DTD1: variants seen among roughly 807,000 people sequenced by gnomAD.
DTD1 encodes D-tyrosyl-tRNA deacylase 1 homolog.
A neutral mutation model predicts 25.6 loss-of-function variants in DTD1; 13 were observed. The observed-to-expected ratio is 0.51, with a 90% CI of 0.33 to 0.81. The LOEUF is 0.81. DTD1 is among the 30% of genes least tolerant of loss of function. The pLI, the probability that DTD1 is intolerant of heterozygous loss-of-function variation, is 0.02. For missense variants in DTD1, 193 were observed against 266.4 expected, an observed-to-expected ratio of 0.72 and a Z score of 1.92; for synonymous variants, 110 against 103.6, an observed-to-expected ratio of 1.06 and a Z score of -0.37.
intron 4 of DTD1, among the ~76,000 whole-genome samples, chr20:18,661,472 T>C (rs772278697): frequency 4.9e-4 from 74 of 150,638 alleles, no homozygotes; most frequent in Middle Eastern, 3.4e-3. Flanking sequence ...CCCAGGTTCA[T>C]GCCATTCTCC....
intron 4 of DTD1, among the ~76,000 whole-genome samples, chr20:18,633,283 G>A (rs558579452): frequency 2.0e-4 from 31 of 152,140 alleles, no homozygotes; most frequent in Admixed American, 2.0e-3. Flanking sequence ...CCTCTCCCTT[G>A]CTGAGAAGAG....
At chr20:18,628,970 C>A (rs2060770981) in intron 4 of DTD1, among the ~76,000 whole-genome samples, 1 of 146,542 alleles carries the variant, frequency 6.8e-6, no homozygotes. Flanking sequence ...TGAAGCTGGG[C>A]AACCTGTTCA....
intron 4 of DTD1, among the ~76,000 whole-genome samples, chr20:18,705,018 T>C (rs6136478): frequency 0.14 from 21,940 of 152,186 alleles, 1,697 homozygotes; most frequent in Admixed American, 0.2. Flanking sequence ...AGTGCTAAAC[T>C]GAAATAAAAT....
chr20:18,759,699 G>T (rs995586054), intron 5 of DTD1, among the ~76,000 whole-genome samples: 13 of 152,130 alleles, frequency 8.5e-5, no homozygotes, highest in Non-Finnish European at 1.9e-4. Flanking sequence ...TGGTGAATCT[G>T]ACAATTATGC....
At chr20:18,734,088 G>GT (rs569064780) in intron 4 of DTD1, among the ~76,000 whole-genome samples, 1 of 152,310 alleles carries the variant, frequency 6.6e-6, no homozygotes, top group African/African-American at 2.4e-5. Context: ...TTTTAAACAT[G>GT]TTTTTATCAG....
chr20:18,637,990 A>G (rs2060813775), intron 4 of DTD1, among the ~76,000 whole-genome samples: 1 of 152,186 alleles, frequency 6.6e-6, no homozygotes, highest in South Asian at 2.1e-4. Flanking sequence ...TTCACACATG[A>G]TGCTTACCTC....
rs145232868 is a variant in DTD1 at position 18,759,041 on chromosome 20, G to C, written c.*20-4319G>C. Among the ~76,000 whole-genome samples, 733 of 152,294 alleles carry C rather than the reference G, an allele frequency of 4.8e-3. 8 individuals are homozygous for C. The highest frequency in any genetic ancestry group is 0.017 in the African/African-American group (709 of 41,558). ...TGTTGGTTTAAAGTGTGTTTTATCA[G>C]AGACTAGGATTGCAACCCCTGCCTT... is the stretch of plus-strand genomic sequence containing the variant. On this transcript the variant is annotated intron_variant, in intron 5 of 5. Transcript: ENST00000377452.
In DTD1 at chr20:18,671,827, G is replaced by A. The variant is rs566009427; in HGVS notation, c.477+43594G>A. Among the ~76,000 whole-genome samples the A allele has an allele frequency of 3.0e-4, 46 of 152,302 alleles. No individual in the cohort carries two copies. In the South Asian group the frequency reaches 5.8e-3, roughly 19 times the overall value. On this transcript the variant is annotated intron_variant, in intron 4 of 5. Coordinates refer to ENST00000377452, the MANE Select transcript of DTD1 (RefSeq NM_080820.6). ...GCTGGGGCAAGAAGTTTGAGGGCAG[G>A]AAACATAAACTTGGAAAGCTGGGGC...
At chr20:18,712,297 A>G (rs1031559534) in intron 4 of DTD1, among the ~76,000 whole-genome samples, 1 of 151,256 alleles carries the variant, frequency 6.6e-6, no homozygotes, top group Non-Finnish European at 1.5e-5. Flanking sequence ...CACAAGAATA[A>G]GCTCATAAAC....
chr20:18,690,496 A>T (rs1462963397), intron 4 of DTD1, among the ~76,000 whole-genome samples: 2 of 152,186 alleles, frequency 1.3e-5, no homozygotes, highest in African/African-American at 4.8e-5. Flanking sequence ...TTAAATCTTA[A>T]TCCATCTTGA....
intron 5 of DTD1, 99 bp downstream of exon 5, chr20:18,744,370 G>A: frequency 1.5e-6 from 2 of 1,290,958 alleles, no homozygotes; most frequent in Non-Finnish European, 2.1e-6. Flanking sequence ...TCATTTCACA[G>A]CGTTCATCCA....
In DTD1 at chr20:18,708,249, ATAT is replaced by A. The variant is rs1453225913; in HGVS notation, c.478-35847_478-35845del. The stretch of plus-strand genomic sequence containing the variant: ...TATATATTTTATATATATATAATAT[ATAT>A]TATATATATATTTTATATATATATA... On this transcript the variant is annotated intron_variant, in intron 4 of 5. Coordinates refer to ENST00000377452, the MANE Select transcript of DTD1 (RefSeq NM_080820.6). Among the ~76,000 whole-genome samples, 58 of 27,740 alleles carry A rather than the reference ATAT, an allele frequency of 2.1e-3. 7 individuals carry two copies. The highest frequency in any genetic ancestry group is 0.01 in the African/African-American group (53 of 5,248). The allele number at this position is 27,740 out of a possible 152,430, so 18.2% of individuals were successfully genotyped here. A position where few individuals can be genotyped will look rare whatever the true frequency, so the allele number is the denominator to read the frequency against.
chr20:18,661,220 A>G (rs1319670900), intron 4 of DTD1, among the ~76,000 whole-genome samples: 1 of 152,168 alleles, frequency 6.6e-6, no homozygotes, highest in African/African-American at 2.4e-5. Flanking sequence ...CATGTTTTTA[A>G]GCAGTTCTAG....
chr20:18,733,890 A>G (rs1339206072), intron 4 of DTD1, among the ~76,000 whole-genome samples: 2 of 152,178 alleles, frequency 1.3e-5, no homozygotes, highest in African/African-American at 4.8e-5. Context: ...AAAATAATGC[A>G]ATGCCACCAC....
At chr20:18,607,349 C>T (rs992659720) in intron 3 of DTD1, among the ~76,000 whole-genome samples, 14 of 152,076 alleles carry the variant, frequency 9.2e-5, no homozygotes, top group African/African-American at 2.7e-4. Context: ...TTAATAGAGA[C>T]GGGGTTTCAC....
At chr20:18,636,589 C>CT (rs1428450720) in intron 4 of DTD1, among the ~76,000 whole-genome samples, 5 of 152,126 alleles carry the variant, frequency 3.3e-5, no homozygotes, top group Non-Finnish European at 7.4e-5. Context: ...AGGTAGTTAT[C>CT]TTTTTTAATC....
intron 4 of DTD1, among the ~76,000 whole-genome samples, chr20:18,669,909 G>A (rs1359555995): frequency 1.3e-5 from 2 of 152,104 alleles, no homozygotes; most frequent in South Asian, 2.1e-4. Context: ...AACTTCAGGC[G>A]AGCCAGGTCT....
At chr20:18,635,131 C>T (rs897417108) in intron 4 of DTD1, among the ~76,000 whole-genome samples, 1 of 152,166 alleles carries the variant, frequency 6.6e-6, no homozygotes, top group African/African-American at 2.4e-5. Flanking sequence ...TGTTGACTTG[C>T]TGCAGGAGTA....
At position 18,737,332 on chromosome 20, in the gene DTD1, C is replaced by A. The variant is rs565570189; in HGVS notation, c.478-6768C>A. 2.6e-5 allele frequency among the ~76,000 whole-genome samples: 4 copies of A among 152,350 alleles called. No individual in the cohort carries two copies. In the South Asian group the frequency reaches 8.3e-4, roughly 32 times the overall value. Reference sequence around the variant, plus strand: ...GTGCCCCTGCCTTCTCACCCCCAACCAGGACCTGACTCCCACTCCCAGCAC... The same window carrying A: ...GTGCCCCTGCCTTCTCACCCCCAACAAGGACCTGACTCCCACTCCCAGCAC... On this transcript the variant is annotated intron_variant, in intron 4 of 5. Transcript: ENST00000377452.
Sources: gnomAD v4.1 joint callset for allele counts (sites outside exome capture counted in the v4.1 genomes callset) on GRCh38, gnomAD v4.1.1 for gene constraint, MANE v1.5 for transcripts, NCBI Gene and HGNC (gene_info 2026-07-23, HGNC 2026-07-21) for gene names.